CD96: variants seen among roughly 807,000 people sequenced by gnomAD.
CD96 encodes CD96 molecule.
In CD96, 70 loss-of-function variants were observed where a neutral mutation model predicts 71.3. The ratio of observed to expected loss-of-function variants is 0.98; its 90% CI spans 0.81 to 1.20. The LOEUF (loss-of-function observed/expected upper bound fraction) is 1.20, where lower values mean the gene tolerates loss of function less well. CD96 is among the 50% of genes most tolerant of loss of function. The pLI, the probability that CD96 is intolerant of heterozygous loss-of-function variation, is 0.00. For missense variants in CD96, 742 were observed against 677.5 expected, an observed-to-expected ratio of 1.10 and a Z score of -1.06; for synonymous variants, 248 against 233.0, an observed-to-expected ratio of 1.06 and a Z score of -0.59.
intron 14 of CD96, among the ~76,000 whole-genome samples, chr3:111,664,855 T>G (rs1344799476): frequency 1.3e-5 from 2 of 152,204 alleles, no homozygotes; most frequent in Admixed American, 1.3e-4. Context: ...AGACATTTAT[T>G]AGATCAACTG....
chr3:111,600,605 G>A, intron 6 of CD96, 121 bp from the exon 7 acceptor site: 4 of 731,502 alleles, frequency 5.5e-6, no homozygotes, highest in Non-Finnish European at 9.7e-6. Context: ...CTGCAGAGAA[G>A]CTGCCATTTG....
At chr3:111,626,306 C>CCA (rs372637590) in intron 10 of CD96, among the ~76,000 whole-genome samples, 1 of 74,708 alleles carries the variant, frequency 1.3e-5, no homozygotes, top group Admixed American at 2.0e-4. Context: ...GACTCCGTCT[C>CCA]AAAAAAAAAA....
intron 1 of CD96, among the ~76,000 whole-genome samples, chr3:111,543,735 C>T (rs945066405): frequency 2.0e-5 from 3 of 151,696 alleles, no homozygotes; most frequent in African/African-American, 7.3e-5. Flanking sequence ...AAGCTTCTTG[C>T]CTGCCCCCAG....
At chr3:111,616,130 A>G (rs1938223289) in intron 8 of CD96, among the ~76,000 whole-genome samples, 3 of 152,120 alleles carry the variant, frequency 2.0e-5, no homozygotes, top group South Asian at 2.1e-4. Context: ...AACACCGTCT[A>G]TAAGTTACCT....
At chr3:111,586,182 T>C (rs1228171099) in intron 5 of CD96, among the ~76,000 whole-genome samples, 1 of 152,224 alleles carries the variant, frequency 6.6e-6, no homozygotes, top group African/African-American at 2.4e-5. Flanking sequence ...ATTATCTGTG[T>C]TAATCAACTG....
chr3:111,594,310 G>C (rs1320050675), intron 5 of CD96: 1 of 1,380,800 alleles, frequency 7.2e-7, no homozygotes, highest in African/African-American at 1.4e-5. Context: ...TAACTCTTGG[G>C]GATTCACAAT....
intron 7 of CD96, among the ~76,000 whole-genome samples, chr3:111,604,022 G>A (rs1468686170): frequency 6.6e-6 from 1 of 152,168 alleles, no homozygotes; most frequent in Admixed American, 6.5e-5. Context: ...GGTGGGACCT[G>A]AGATTCTGCA....
chr3:111,593,417 T>A (rs561129460), intron 5 of CD96: 1 of 1,158,194 alleles, frequency 8.6e-7, no homozygotes, highest in African/African-American at 1.6e-5. Context: ...TAACTCATAC[T>A]GTGCACTATT....
intron 10 of CD96, among the ~76,000 whole-genome samples, chr3:111,629,270 T>A (rs530040880): frequency 1.3e-5 from 2 of 152,088 alleles, no homozygotes; most frequent in Non-Finnish European, 2.9e-5. Context: ...AAGAGACCCA[T>A]CTCACATGCA....
rs576155070 is a variant in CD96 at position 111,662,868 on chromosome 3, T to A, written c.*53-2659T>A. 8.5e-5 allele frequency among the ~76,000 whole-genome samples: 13 copies of A among 152,318 alleles called. No homozygotes were observed. In the East Asian group the frequency reaches 2.1e-3, roughly 25 times the overall value. On this transcript the variant is annotated intron_variant and NMD_transcript_variant, in intron 14 of 14. Transcript: ENST00000494798. ...CCCTGCAAACTGTTCCAACCTCTGC[T>A]CCTTACCCAGTTCCAATGTTGTGTC...
intron 7 of CD96, among the ~76,000 whole-genome samples, chr3:111,601,551 A>C (rs949953775): frequency 6.6e-6 from 1 of 152,238 alleles, no homozygotes. Flanking sequence ...TTACTACATA[A>C]AAGATGAACT....
At chr3:111,593,514 A>G (rs760913690) in intron 5 of CD96, 1 of 1,508,130 alleles carries the variant, frequency 6.6e-7, no homozygotes, top group Non-Finnish European at 8.9e-7. Context: ...TCTAGAGTCA[A>G]TGTTTTCAGA....
intron 8 of CD96, among the ~76,000 whole-genome samples, chr3:111,621,318 C>G (rs983049472): frequency 1.3e-5 from 2 of 152,130 alleles, no homozygotes; most frequent in Non-Finnish European, 2.9e-5. Context: ...AGTCTCTCAG[C>G]AAATACTTTT....
chr3:111,572,965 C>T (rs1302727432), intron 3 of CD96, among the ~76,000 whole-genome samples: 3 of 152,074 alleles, frequency 2.0e-5, no homozygotes, highest in Non-Finnish European at 2.9e-5. Flanking sequence ...GCATCAGGTG[C>T]AAATGGACAG....
At chr3:111,659,960 C>T (rs1282071963) in intron 14 of CD96, among the ~76,000 whole-genome samples, 1 of 152,286 alleles carries the variant, frequency 6.6e-6, no homozygotes, top group Non-Finnish European at 1.5e-5. Context: ...CCCTTGAGAA[C>T]TGAAACAAGA....
intron 8 of CD96, among the ~76,000 whole-genome samples, chr3:111,610,986 A>G (rs75724949): frequency 6.6e-6 from 1 of 152,156 alleles, no homozygotes; most frequent in Non-Finnish European, 1.5e-5. Context: ...GATGAACAAG[A>G]CAGACAGGGC....
chr3:111,610,077 C>T lies in CD96; in HGVS notation c.1180+3285C>T, dbSNP rs75311450. Among the ~76,000 whole-genome samples the T allele has an allele frequency of 2.7e-3, 417 of 152,322 alleles. 2 individuals are homozygous for T. The highest frequency in any genetic ancestry group is 9.5e-3 in the African/African-American group (393 of 41,578). On this transcript the variant is annotated intron_variant, in intron 8 of 13. Coordinates refer to ENST00000352690, the MANE Select transcript of CD96 (RefSeq NM_005816.5). ...TTAGATCAAGGCTTAGGTGTAATTA[C>T]AGTAGGTATCTCTTACTTTACAAAA...
chr3:111,589,058 C>A (rs1339465020), intron 5 of CD96, among the ~76,000 whole-genome samples: 1 of 151,058 alleles, frequency 6.6e-6, no homozygotes, highest in Non-Finnish European at 1.5e-5. Flanking sequence ...TCACGCTATT[C>A]TCCTGCCTCA....
intron 2 of CD96, among the ~76,000 whole-genome samples, chr3:111,553,702 CT>C (rs1321528679): frequency 6.6e-6 from 1 of 151,844 alleles, no homozygotes; most frequent in Admixed American, 6.6e-5. Context: ...GATTCTTTCC[CT>C]TTAATCACCA....
Sources: gnomAD v4.1 joint callset for allele counts (sites outside exome capture counted in the v4.1 genomes callset) on GRCh38, gnomAD v4.1.1 for gene constraint, MANE v1.5 for transcripts, NCBI Gene and HGNC (gene_info 2026-07-23, HGNC 2026-07-21) for gene names.